The following TMEM132B variants were observed in gnomAD, a reference collection of about 807,000 sequenced individuals.
The protein encoded by TMEM132B is transmembrane protein 132B.
Under a neutral mutation model 90.8 loss-of-function variants are expected in TMEM132B, and 18 were observed. The ratio of observed to expected loss-of-function variants is 0.20; its 90% CI spans 0.14 to 0.29. The LOEUF (loss-of-function observed/expected upper bound fraction) is 0.29, where lower values mean the gene tolerates loss of function less well. Ranked by LOEUF, TMEM132B falls within the 10% of genes least tolerant of loss-of-function variation. The probability of loss-of-function intolerance (pLI) is 1.00; values close to 1 mark genes in which losing one functional copy is unlikely to be tolerated. For synonymous variants in TMEM132B, 504 were observed against 523.3 expected, an observed-to-expected ratio of 0.96 and a Z score of 0.50; for missense variants, 1,096 against 1,326.8, an observed-to-expected ratio of 0.83 and a Z score of 2.70.
In TMEM132B at chr12:125,604,868, A is replaced by G. The variant is rs988046800; in HGVS notation, c.1437+20874A>G. On this transcript the variant is annotated intron_variant, in intron 5 of 8. Transcript: ENST00000682704. ...CAAAATCATGGCTGATTAAGTTCTC[A>G]TAGGCATGTAGCCAGGTTCCATGAG... 7.9e-5 allele frequency among the ~76,000 whole-genome samples: 12 copies of G among 152,366 alleles called. No homozygotes were observed. The South Asian group carries it at 1.9e-3, about 24-fold the overall frequency.
chr12:125,526,242 A>G (rs1194329453), intron 4 of TMEM132B, among the ~76,000 whole-genome samples: 2 of 152,204 alleles, frequency 1.3e-5, no homozygotes, highest in African/African-American at 2.4e-5. Flanking sequence ...GAGGGTTTCA[A>G]CTGAAGGCTC....
intron 3 of TMEM132B, among the ~76,000 whole-genome samples, chr12:125,486,931 G>C (rs1437666195): frequency 6.6e-6 from 1 of 152,202 alleles, no homozygotes; most frequent in Non-Finnish European, 1.5e-5. Context: ...CTCAAGGAAT[G>C]TATGCAGACC....
chr12:125,457,635 G>T (rs1290402049), intron 3 of TMEM132B, among the ~76,000 whole-genome samples: 2 of 152,164 alleles, frequency 1.3e-5, no homozygotes, highest in Non-Finnish European at 1.5e-5. Flanking sequence ...GGGAATAGTT[G>T]ATTTGGCTGG....
chr12:125,563,934 C>T (rs1394646909), intron 4 of TMEM132B, among the ~76,000 whole-genome samples: 1 of 152,106 alleles, frequency 6.6e-6, no homozygotes, highest in Admixed American at 6.5e-5. Context: ...GAAGTGTGGC[C>T]CTGCTGACAC....
At chr12:125,467,226 G>A (rs1413373791) in intron 3 of TMEM132B, among the ~76,000 whole-genome samples, 1 of 152,228 alleles carries the variant, frequency 6.6e-6, no homozygotes, top group East Asian at 1.9e-4. Flanking sequence ...GAATAGAGCT[G>A]AGAAATTGAG....
intron 4 of TMEM132B, among the ~76,000 whole-genome samples, chr12:125,579,222 A>G (rs1474214979): frequency 1.3e-5 from 2 of 152,012 alleles, no homozygotes; most frequent in East Asian, 3.9e-4. Flanking sequence ...TGTCTGCTCA[A>G]ATCTGCTGTT....
chr12:125,199,367 A>T (rs778227716), intron 1 of TMEM132B, among the ~76,000 whole-genome samples: 4 of 152,136 alleles, frequency 2.6e-5, no homozygotes, highest in Admixed American at 6.5e-5. Flanking sequence ...GGTAATGCTG[A>T]TATTTAAGTT....
intron 1 of TMEM132B, among the ~76,000 whole-genome samples, chr12:125,244,237 G>A (rs1181435121): frequency 6.6e-6 from 1 of 152,088 alleles, no homozygotes; most frequent in Non-Finnish European, 1.5e-5. Context: ...CATTTTTCCC[G>A]AACACCCATT....
chr12:125,347,808 G>A (rs1877410789), intron 1 of TMEM132B, among the ~76,000 whole-genome samples: 1 of 152,182 alleles, frequency 6.6e-6, no homozygotes, highest in Admixed American at 6.5e-5. Flanking sequence ...GAAAAAGCTT[G>A]TTGGGTCTTT....
At chr12:125,621,335 T>C (rs951536900) in intron 5 of TMEM132B, among the ~76,000 whole-genome samples, 35 of 152,058 alleles carry the variant, frequency 2.3e-4, no homozygotes, top group Admixed American at 7.2e-4. Context: ...GAGAAGAACA[T>C]AAGAGCAAGA....
intron 2 of TMEM132B, among the ~76,000 whole-genome samples, chr12:125,376,325 A>T (rs1487729394): frequency 6.6e-6 from 1 of 152,156 alleles, no homozygotes; most frequent in Non-Finnish European, 1.5e-5. Flanking sequence ...CTCCCCAGAT[A>T]AATTTGAGTA....
At chr12:125,617,349 T>G (rs904371220) in intron 5 of TMEM132B, among the ~76,000 whole-genome samples, 1 of 151,426 alleles carries the variant, frequency 6.6e-6, no homozygotes, top group African/African-American at 2.4e-5. Flanking sequence ...CTGCCCTTTT[T>G]TTTTTTTTTT....
chr12:125,418,281 G>A (rs1244649204), intron 3 of TMEM132B, among the ~76,000 whole-genome samples: 3 of 152,064 alleles, frequency 2.0e-5, no homozygotes, highest in African/African-American at 7.2e-5. Flanking sequence ...AAGGTTACAG[G>A]GGAAAAAAGT....
chr12:125,605,550 C>G lies in TMEM132B; in HGVS notation c.1437+21556C>G, dbSNP rs150508343. On this transcript the variant is annotated intron_variant, in intron 5 of 8. Transcript: ENST00000682704. ...GTCATTGGTGAGGTTCTAGCACTGTCAGCATGTCAGTTGAGCAGAATTCCC... is the reference window on the plus strand; with the variant it reads ...GTCATTGGTGAGGTTCTAGCACTGTGAGCATGTCAGTTGAGCAGAATTCCC... 1.4e-3 allele frequency among the ~76,000 whole-genome samples: 206 copies of G among 152,276 alleles called. 1 individual carries two copies. The highest frequency in any genetic ancestry group is 4.4e-3 in the African/African-American group (183 of 41,550).
chr12:125,584,093 T>C, intron 5 of TMEM132B, 99 bp downstream of exon 5: 1 of 1,567,866 alleles, frequency 6.4e-7, no homozygotes, highest in African/African-American at 1.3e-5. Flanking sequence ...CATCCCATGC[T>C]CTAAAGGGCT....
chr12:125,585,038 G>T (rs894030355), intron 5 of TMEM132B: 1 of 152,196 alleles, frequency 6.6e-6, no homozygotes, highest in African/African-American at 2.4e-5. Flanking sequence ...ACCTTTAGGG[G>T]TTTCCCTATA....
intron 3 of TMEM132B, among the ~76,000 whole-genome samples, chr12:125,493,310 C>T (rs11835499): frequency 0.49 from 74,491 of 151,982 alleles, 18,601 homozygotes; most frequent in Middle Eastern, 0.62. Context: ...TTTCAACATG[C>T]CCCCTTCTGC....
intron 2 of TMEM132B, among the ~76,000 whole-genome samples, chr12:125,395,053 T>C (rs192487771): frequency 2.0e-5 from 3 of 152,168 alleles, no homozygotes; most frequent in South Asian, 2.1e-4. Flanking sequence ...AAGAAAAAAA[T>C]ATAGGTGGCA....
chr12:125,261,057 G>A (rs1874556618), intron 1 of TMEM132B, among the ~76,000 whole-genome samples: 1 of 152,116 alleles, frequency 6.6e-6, no homozygotes, highest in Non-Finnish European at 1.5e-5. Flanking sequence ...GTGCACACTG[G>A]TTGTGTTTAC....
Sources: allele counts gnomAD v4.1 joint callset (sites outside exome capture counted in the v4.1 genomes callset), GRCh38; gene constraint gnomAD v4.1.1; transcripts MANE v1.5; gene names NCBI Gene and HGNC (gene_info 2026-07-23, HGNC 2026-07-21).